Variants in BRD2 observed in about 807,000 individuals in gnomAD.
BRD2 encodes the protein bromodomain-containing protein 2.
BRD2 carries 15 observed loss-of-function variants against 79.1 expected under a neutral mutation model. The ratio of observed to expected loss-of-function variants is 0.19; its 90% CI spans 0.13 to 0.29. The LOEUF (loss-of-function observed/expected upper bound fraction) is 0.29, where lower values mean the gene tolerates loss of function less well. BRD2 is among the 10% of genes least tolerant of loss of function. The pLI, the probability that BRD2 is intolerant of heterozygous loss-of-function variation, is 1.00. For missense variants in BRD2, 1,053 were observed against 991.3 expected (o/e 1.06, Z -0.84); for synonymous variants, 488 against 358.6 (o/e 1.36, Z -4.08).
chr6:32,975,202 T>A, intron 3 of BRD2, 182 bp from the exon 4 acceptor site: 1 of 1,284,458 alleles, frequency 7.8e-7, no homozygotes, highest in Non-Finnish European at 1.1e-6. Flanking sequence ...ATGTCAAGAA[T>A]CTTTTTTATT....
At position 32,980,085 on chromosome 6, in the gene BRD2, A is replaced by AGC. The variant is rs750082739; in HGVS notation, c.2102_2103dup (p.Tyr702AlafsTer36). 6.2e-7 allele frequency: 1 copy of AGC among 1,612,932 alleles called. No homozygotes were observed. The highest frequency in any genetic ancestry group is 8.5e-7 in the Non-Finnish European group (1 of 1,180,016). On this transcript the variant is annotated frameshift_variant, in exon 11 of 13. Transcript: ENST00000374825. LOFTEE classifies it high-confidence loss of function. ...AAGCCATCCACACTTAGAGAGCTTG[A>AGC]GCGCTATGTCCTTTCCTGCCTACGT...
intron 10 of BRD2, 181 bp from the exon 11 acceptor site, chr6:32,979,647 T>TTA (rs72548075): frequency 2.8e-6 from 1 of 360,064 alleles, no homozygotes; most frequent in Non-Finnish European, 4.4e-6. Context: ...CTACTTACAG[T>TTA]CGAGCAAAAT....
At position 32,974,949 on chromosome 6, in the gene BRD2, C is replaced by T. The variant is rs146039744; in HGVS notation, c.333+184C>T. The T allele has an allele frequency of 1.2e-4, 173 of 1,427,664 alleles. No homozygotes were observed. The East Asian group carries it at 2.3e-3, about 19-fold the overall frequency. The allele number at this position is 1,427,664 out of a possible 1,614,324, so 88.4% of individuals were successfully genotyped here. The stretch of plus-strand genomic sequence containing the variant: ...TGATTGATCCGACCGCTTGCTGTAA[C>T]TATCTTGGCATCTTTCCTTGTGCCC... On this transcript the variant is annotated intron_variant, in intron 3 of 12. Coordinates refer to ENST00000374825, the MANE Select transcript of BRD2 (RefSeq NM_005104.4).
At chr6:32,978,701 G>A (rs952024061) in intron 10 of BRD2, 2 of 426,116 alleles carry the variant, frequency 4.7e-6, no homozygotes, top group African/African-American at 4.0e-5. Context: ...GCTTCTATGA[G>A]AATCTAATGC....
In BRD2 at chr6:32,980,080, G is replaced by A; in HGVS notation, c.2094G>A (p.Glu698=). The change falls in exon 11 of 13, where the codon GAG becomes GAA. Residue 698 remains glutamate (E), a synonymous_variant. Coordinates refer to ENST00000374825, the MANE Select transcript of BRD2 (RefSeq NM_005104.4). ...CACTCAAGCCATCCACACTTAGAGA[G>A]CTTGAGCGCTATGTCCTTTCCTGCC... ...FETLKPSTLR[E]LERYVLSCLR... is the part of the protein sequence containing the mutation. 6.2e-7 allele frequency: 1 copy of A among 1,612,898 alleles called. No homozygotes were observed.
rs763591042 is a variant in BRD2 at position 32,972,405 on chromosome 6, A to G, written c.-494A>G. On this transcript the variant is annotated 5_prime_UTR_variant, in exon 2 of 13. Coordinates refer to ENST00000374825, the MANE Select transcript of BRD2 (RefSeq NM_005104.4). ...GCTCCCCTTTTTCGGGCCCCGCCCA[A>G]TCCTCGGAGTCTGTCCACCCCCTCT... is the stretch of plus-strand genomic sequence containing the variant. The G allele has an allele frequency of 3.8e-5, 11 of 289,656 alleles. No homozygotes were observed. The highest frequency in any genetic ancestry group is 1.5e-4 in the Admixed American group (3 of 19,932). The allele number at this position is 289,656 out of a possible 1,614,324, so 17.9% of individuals were successfully genotyped here. A position where few individuals can be genotyped will look rare whatever the true frequency, so the allele number is the denominator to read the frequency against.
rs906008940 is a variant in BRD2 at position 32,972,246 on chromosome 6, C to T, written c.-653C>T. ...AGCCTCTAGAACGAGCTGGAGGATT[C>T]TGCCTACCGATACAGAGCCTTCGAG... On this transcript the variant is annotated 5_prime_UTR_variant, in exon 2 of 13. Transcript: ENST00000374825. 2.1e-6 allele frequency: 1 copy of T among 474,658 alleles called. No individual in the cohort carries two copies. Among genetic ancestry groups the T allele is most frequent in the East Asian group, 4.3e-5 (1 of 23,500 alleles). The allele number at this position is 474,658 out of a possible 1,614,324, so 29.4% of individuals were successfully genotyped here.
In BRD2 at chr6:32,980,646, C is replaced by T. The variant is rs758703636; in HGVS notation, c.2334C>T (p.Ser778=). The T allele has an allele frequency of 6.2e-7, 1 of 1,613,176 alleles. No homozygotes were observed. Among genetic ancestry groups the T allele is most frequent in the Non-Finnish European group, 8.5e-7 (1 of 1,180,022 alleles). ...QVAVSRLSAS[S]SSSDSSSSSS... The stretch of plus-strand genomic sequence containing the variant: ...CAGTGTCACGCCTTAGCGCTTCCAG[C>T]TCCAGCTCAGATTCCAGCTCCTCCT... The change falls in exon 13 of 13, where the codon AGC becomes AGT. Residue 778 remains serine (S), a synonymous_variant. Coordinates refer to ENST00000374825, the MANE Select transcript of BRD2 (RefSeq NM_005104.4).
In BRD2 at chr6:32,972,617, C is replaced by A; in HGVS notation, c.-282C>A. The A allele has an allele frequency of 1.6e-5, 9 of 576,752 alleles. No individual in the cohort carries two copies. The highest frequency in any genetic ancestry group is 2.8e-5 in the Non-Finnish European group (9 of 323,726). 35.7% of individuals were successfully genotyped at this position (576,752 alleles called of 1,614,324 possible). A position where few individuals can be genotyped will look rare whatever the true frequency, so the allele number is the denominator to read the frequency against. ...GACGGTGTCTGAGATCGGGGACCGT[C>A]TTTTGAAGAGTCAGTCCCTCCTTAG... is the stretch of plus-strand genomic sequence containing the variant. On this transcript the variant is annotated 5_prime_UTR_variant, in exon 2 of 13. Transcript: ENST00000374825.
intron 10 of BRD2, chr6:32,978,677 A>G: frequency 1.9e-6 from 1 of 513,718 alleles, no homozygotes; most frequent in East Asian, 3.3e-5. Flanking sequence ...TGCGCACTTC[A>G]CAGTAGGGTT....
chr6:32,977,763 T>C lies in BRD2; in HGVS notation c.1336T>C (p.Phe446Leu). The change falls in exon 9 of 13, where the codon TTT (phenylalanine) becomes CTT (leucine). Residue 446 changes from phenylalanine to leucine, a missense_variant. Coordinates refer to ENST00000374825, the MANE Select transcript of BRD2 (RefSeq NM_005104.4). ...AGTTTGTGCCTCTTTGTAGGATGTA[T>C]TTGAGTTCCGTTATGCCAAGATGCC... ...VAMARKLQDV[F>L]EFRYAKMPDE... The C allele has an allele frequency of 6.2e-7, 1 of 1,613,052 alleles. No homozygotes were observed. Among genetic ancestry groups the C allele is most frequent in the Non-Finnish European group, 8.5e-7 (1 of 1,180,014 alleles).
chr6:32,971,528 CCCGTAGCTGTT>C, intron 1 of BRD2, 56 bp from the exon 2 acceptor site: 1 of 439,626 alleles, frequency 2.3e-6, no homozygotes, highest in Non-Finnish European at 4.0e-6. Flanking sequence ...CGTTCTGAAG[CCCGTAGCTGTT>C]CGCCATAGAG....
In BRD2 at chr6:32,971,659, C is replaced by T; in HGVS notation, c.-1240C>T. 6.2e-6 allele frequency: 3 copies of T among 482,094 alleles called. No homozygotes were observed. The highest frequency in any genetic ancestry group is 7.3e-6 in the Non-Finnish European group (2 of 273,076). 29.9% of individuals were successfully genotyped at this position (482,094 alleles called of 1,614,324 possible). A position where few individuals can be genotyped will look rare whatever the true frequency, so the allele number is the denominator to read the frequency against. On this transcript the variant is annotated 5_prime_UTR_variant, in exon 2 of 13. Transcript: ENST00000374825. ...CCGCCAGGCGTCTTGCGGCCACACC[C>T]CTGGCGGGTTCAGGCAGGCTACGCC...
Position 32,974,575 on chromosome 6 carries a change from T to C in BRD2, c.143T>C (p.Met48Thr), listed in dbSNP as rs1161629101. The C allele has an allele frequency of 6.2e-7, 1 of 1,614,172 alleles. No individual in the cohort carries two copies. Among genetic ancestry groups the C allele is most frequent in the Admixed American group, 1.7e-5 (1 of 60,028 alleles). ...TATGAGGGCTTTGAGAGCCCCACAA[T>C]GGCTTCGGTGCCTGCTTTGCAACTT... ...LLYEGFESPT[M>T]ASVPALQLTP... The change falls in exon 3 of 13, where the codon ATG becomes ACG. Residue 48 changes from methionine (M) to threonine (T), a missense_variant. By Grantham distance (81) the Met-to-Thr change is moderately conservative (BLOSUM62 -1). Coordinates refer to ENST00000374825, the MANE Select transcript of BRD2 (RefSeq NM_005104.4).
chr6:32,975,122 C>G, intron 3 of BRD2: 2 of 1,507,736 alleles, frequency 1.3e-6, no homozygotes, highest in Non-Finnish European at 1.8e-6. Context: ...GGTAATGTCA[C>G]AGGATGGGAA....
rs778779417 is a variant in BRD2 at position 32,977,919 on chromosome 6, G to A, written c.1492G>A (p.Asp498Asn). The change falls in exon 9 of 13, where the codon GAT becomes AAT. Residue 498 changes from aspartate (D) to asparagine (N), a missense_variant. Coordinates refer to ENST00000374825, the MANE Select transcript of BRD2 (RefSeq NM_005104.4). ...ESSSEEEEEE[D>N]EEDEEEEESE... ...CTCCTCTGAGGAAGAGGAGGAGGAA[G>A]ATGAGGAGGACGAGGAGGAAGAAGA... 6.2e-7 allele frequency: 1 copy of A among 1,612,634 alleles called. No individual in the cohort carries two copies. The highest frequency in any genetic ancestry group is 8.5e-7 in the Non-Finnish European group (1 of 1,179,760).
intron 2 of BRD2, among the ~76,000 whole-genome samples, chr6:32,974,031 C>G (rs72865885): frequency 6.6e-6 from 1 of 151,958 alleles, no homozygotes; most frequent in South Asian, 2.1e-4. Flanking sequence ...ATAATTTGTT[C>G]TTTTCCTCCT....
chr6:32,978,386 C>G lies in BRD2; in HGVS notation c.1839C>G (p.Thr613=). 1.2e-6 allele frequency: 2 copies of G among 1,611,800 alleles called. No homozygotes were observed. The highest frequency in any genetic ancestry group is 1.3e-5 in the African/African-American group (1 of 74,922). The change falls in exon 10 of 13, where the codon ACC becomes ACG. Residue 613 remains threonine, a splice_region_variant and synonymous_variant. Coordinates refer to ENST00000374825, the MANE Select transcript of BRD2 (RefSeq NM_005104.4). ...TTGGACCTTCTGGAGGAAGTGGCAC[C>G]AAGTGAGTTAGAGTAGGAAGCAGAG... The part of the protein sequence containing the change: ...SGFGPSGGSG[T]KLPKKATKTA...
Position 32,980,127 on chromosome 6 carries a change from C to T in BRD2, c.2141C>T (p.Pro714Leu). 1 of 1,610,778 alleles carries T rather than the reference C, an allele frequency of 6.2e-7. No individual in the cohort carries two copies. The highest frequency in any genetic ancestry group is 1.3e-5 in the African/African-American group (1 of 74,878). ...LSCLRKKPRKPYTIKKPVGKT... is the reference protein window; with the variant it reads ...LSCLRKKPRKLYTIKKPVGKT... ...TGCCTACGTAAGAAACCCCGGAAGC[C>T]CTACAGTACGTATGAAATGAGGTTC... is the stretch of plus-strand genomic sequence containing the variant. Residue 714 changes from proline (P) to leucine (L), a missense_variant, in exon 11 of 13, where the codon CCC (proline) becomes CTC (leucine). Pro to Leu is a moderately conservative substitution (Grantham distance 98). This residue lies in a region of BRD2 where 139 missense variants were observed against 133.2 expected (regional missense o/e 1.04). Transcript: ENST00000374825.
Sources: allele counts gnomAD v4.1 joint callset (sites outside exome capture counted in the v4.1 genomes callset), GRCh38; gene constraint gnomAD v4.1.1; regional missense constraint gnomAD v4.1.1; transcripts MANE v1.5; gene names NCBI Gene and HGNC (gene_info 2026-07-23, HGNC 2026-07-21).